Variants in MYH1 observed in about 807,000 individuals in gnomAD.
MYH1 encodes the protein myosin-1.
In MYH1, 214 loss-of-function variants were observed where a neutral mutation model predicts 225.6. The ratio of observed to expected loss-of-function variants is 0.95; its 90% confidence interval spans 0.85 to 1.06. The LOEUF (loss-of-function observed/expected upper bound fraction) is 1.06. MYH1 is among the 50% of genes least tolerant of loss of function. The pLI is 0.00. For synonymous variants in MYH1, 774 were observed against 842.3 expected, an observed-to-expected ratio of 0.92 and a Z score of 1.40; for missense variants, 2,098 against 2,344.2, an observed-to-expected ratio of 0.89 and a Z score of 2.17.
At chr17:10,508,127 TC>T (rs1019085382) in intron 16 of MYH1, among the ~76,000 whole-genome samples, 171 bp from the exon 17 acceptor site, 12 of 151,770 alleles carry the variant, frequency 7.9e-5, no homozygotes, top group Admixed American at 1.3e-4. Context: ...CAAGCGATTC[TC>T]CTGCCTCAGC....
intron 22 of MYH1, 47 bp downstream of exon 22, chr17:10,504,763 C>G (rs1454038905): frequency 4.4e-6 from 7 of 1,605,000 alleles, no homozygotes; most frequent in African/African-American, 1.3e-5. Context: ...GACCACTGAG[C>G]TGAAGTTTTA....
rs951012597 is a variant in MYH1 at position 10,500,979 on chromosome 17, A to T, written c.3738+131T>A. On this transcript the variant is annotated intron_variant, in intron 27 of 39. Coordinates refer to ENST00000226207, the MANE Select transcript of MYH1 (RefSeq NM_005963.4). ...ACTTGTTAATCTAACTACTTTACTA[A>T]GTTGTACTATACGTGATATGAGAAA... The T allele has an allele frequency of 8.3e-6, 12 of 1,444,542 alleles. No individual in the cohort carries two copies. In the African/African-American group the frequency reaches 1.6e-4, roughly 19 times the overall value. 89.5% of individuals were successfully genotyped at this position (1,444,542 alleles called of 1,614,324 possible). A position where few individuals can be genotyped will look rare whatever the true frequency, so the allele number is the denominator to read the frequency against.
At chr17:10,506,690 A>G (rs1296399903) in intron 17 of MYH1, among the ~76,000 whole-genome samples, 1 of 151,936 alleles carries the variant, frequency 6.6e-6, no homozygotes, top group Non-Finnish European at 1.5e-5. Context: ...ACGGGGTTTC[A>G]CCATGTTGGC....
intron 14 of MYH1, among the ~76,000 whole-genome samples, 153 bp downstream of exon 14, chr17:10,511,686 G>C (rs545136549): frequency 6.6e-6 from 1 of 152,118 alleles, no homozygotes; most frequent in East Asian, 1.9e-4. Flanking sequence ...TTCCTTTCAC[G>C]GTCTTTTGGT....
chr17:10,512,322 C>A (rs1267141736), intron 12 of MYH1, 86 bp downstream of exon 12: 1 of 1,607,692 alleles, frequency 6.2e-7, no homozygotes, highest in Non-Finnish European at 8.5e-7. Flanking sequence ...CCATCAGGAG[C>A]TCAGCTGTAA....
rs79034130 is a variant in MYH1, at chr17:10,501,575, C to T, written c.3348+19G>A. ...ACTTTTCGATGTTAAATTAGCCTGG[C>T]GAAAATCATTTAACGTACTTGTAAC... On this transcript the variant is annotated intron_variant, in intron 26 of 39. Coordinates refer to ENST00000226207, the MANE Select transcript of MYH1 (RefSeq NM_005963.4). 6.4e-3 allele frequency: 10,260 copies of T among 1,614,122 alleles called. 485 individuals carry two copies. The African/African-American group carries it at 0.11, about 17-fold the overall frequency.
At position 10,511,877 on chromosome 17, in the gene MYH1, T is replaced by A; in HGVS notation, c.1378A>T (p.Ile460Phe). 1 of 1,614,202 alleles carries A rather than the reference T, an allele frequency of 6.2e-7. No homozygotes were observed. The highest frequency in any genetic ancestry group is 1.1e-5 in the South Asian group (1 of 91,086). ...LDTKQPRQYF[I>F]GVLDIAGFEI... ...AAGCCAGCAATGTCCAAGACCCCAA[T>A]GAAGTACTGCCTGGGCTGCTTGGTG... The change falls in exon 14 of 40, where the codon ATT (isoleucine) becomes TTT (phenylalanine). Residue 460 changes from isoleucine (I) to phenylalanine (F), a missense_variant. By Grantham distance (21) the Ile-to-Phe change is conservative. Coordinates refer to ENST00000226207, the MANE Select transcript of MYH1 (RefSeq NM_005963.4).
In MYH1 at chr17:10,514,851, A is replaced by T. The variant is rs1460867028; in HGVS notation, c.533+17T>A. 1 of 1,603,126 alleles carries T rather than the reference A, an allele frequency of 6.2e-7. No homozygotes were observed. Among genetic ancestry groups the T allele is most frequent in the Non-Finnish European group, 8.5e-7 (1 of 1,174,810 alleles). ...TAAGAACAAACTGCCAATAAATCTC[A>T]GAATAGGAATACATACGTGATCAAG... is the stretch of plus-strand genomic sequence containing the variant. On this transcript the variant is annotated intron_variant, in intron 6 of 39. Coordinates refer to ENST00000226207, the MANE Select transcript of MYH1 (RefSeq NM_005963.4).
chr17:10,513,750 T>A, intron 8 of MYH1, 61 bp from the exon 9 acceptor site: 1 of 1,612,676 alleles, frequency 6.2e-7, no homozygotes, highest in South Asian at 1.1e-5. Flanking sequence ...GGGATGCCAC[T>A]GAAATAATTC....
Position 10,498,612 on chromosome 17 carries a change from A to G in MYH1, c.4181+14T>C, listed in dbSNP as rs1259355999. ...GAAACTTATAGTTCCATTTTAACTA[A>G]GTCTGGAACATACTTGGCCTCCTCC... On this transcript the variant is annotated intron_variant, in intron 30 of 39. Transcript: ENST00000226207. 5.5e-5 allele frequency: 89 copies of G among 1,613,814 alleles called. No individual in the cohort carries two copies. Among genetic ancestry groups the G allele is most frequent in the Non-Finnish European group, 7.4e-5 (87 of 1,179,836 alleles).
chr17:10,503,211 T>C lies in MYH1; in HGVS notation c.2729A>G (p.Asp910Gly), dbSNP rs931734439. ...DSLADAEERCDQLIKTKIQLE... is the reference protein window; with the variant it reads ...DSLADAEERCGQLIKTKIQLE... The stretch of plus-strand genomic sequence containing the variant: ...CTGGATTTTGGTTTTGATTAGCTGG[T>C]CACACCTTTCCTCTGCATCAGCCAA... Residue 910 changes from aspartate to glycine, a missense_variant, in exon 23 of 40, where the codon GAC (aspartate) becomes GGC (glycine). Asp to Gly is a moderately conservative substitution (Grantham distance 94). Coordinates refer to ENST00000226207, the MANE Select transcript of MYH1 (RefSeq NM_005963.4). 3.1e-6 allele frequency: 5 copies of C among 1,614,184 alleles called. No individual in the cohort carries two copies. Among genetic ancestry groups the C allele is most frequent in the Non-Finnish European group, 4.2e-6 (5 of 1,180,034 alleles).
chr17:10,501,770 T>G lies in MYH1; in HGVS notation c.3253A>C (p.Lys1085Gln), dbSNP rs1178526885. Reference sequence around the variant, plus strand: ...TGTTGACCTAAAACTGCTTACTTTTTAAGCTTTTCATCAAGTTGTTGTTTG... The same window carrying G: ...TGTTGACCTAAAACTGCTTACTTTTGAAGCTTTTCATCAAGTTGTTGTTTG... Reference protein sequence around the residue: ...NDKQQLDEKLKKKEFEMSGLQ... With the variant: ...NDKQQLDEKLQKKEFEMSGLQ... Residue 1085 changes from lysine (K) to glutamine (Q), a missense_variant, in exon 25 of 40, where the codon AAA (lysine) becomes CAA (glutamine). Lys to Gln is a moderately conservative substitution (Grantham distance 53). Transcript: ENST00000226207. The G allele has an allele frequency of 3.7e-6, 6 of 1,613,852 alleles. No homozygotes were observed. In the South Asian group the frequency reaches 6.6e-5, roughly 18 times the overall value.
intron 15 of MYH1, 29 bp from the exon 16 acceptor site, chr17:10,508,701 C>G: frequency 6.2e-7 from 1 of 1,607,350 alleles, no homozygotes; most frequent in Non-Finnish European, 8.5e-7. Context: ...ATAAATGCCA[C>G]TTGAATTCTG....
In MYH1 at chr17:10,513,911, C is replaced by T. The variant is rs1329456781; in HGVS notation, c.651G>A (p.Gly217=). Residue 217 remains glycine, a splice_region_variant and synonymous_variant, in exon 8 of 40, where the codon GGG becomes GGA. Transcript: ENST00000226207. ...KEEVTSGKMQ[G]TLEDQIISAN... is the part of the protein sequence containing the mutation. ...CACTGATGATTTGATCTTCCAGAGT[C>T]CCCTGCAAAGGCAAGAGCAGTCCTT... 1 of 1,614,108 alleles carries T rather than the reference C, an allele frequency of 6.2e-7. No homozygotes were observed. The highest frequency in any genetic ancestry group is 1.7e-5 in the Admixed American group (1 of 60,006).
In MYH1 at chr17:10,505,815, T is replaced by C; in HGVS notation, c.2171A>G (p.Gln724Arg). ...PSRILYADFKQRYKVLNASAI... is the reference protein window; with the variant it reads ...PSRILYADFKRRYKVLNASAI... ...ATTTACAGCAAAAATGTCTGACCTC[T>C]GTTTGAAGTCTGCATAAAGGATTCT... The change falls in exon 19 of 40, where the codon CAG becomes CGG. Residue 724 changes from glutamine to arginine, a missense_variant. Gln to Arg is a conservative substitution (Grantham distance 43, BLOSUM62 1). Coordinates refer to ENST00000226207, the MANE Select transcript of MYH1 (RefSeq NM_005963.4). 6.2e-7 allele frequency: 1 copy of C among 1,613,808 alleles called. No individual in the cohort carries two copies. Among genetic ancestry groups the C allele is most frequent in the Non-Finnish European group, 8.5e-7 (1 of 1,179,878 alleles).
chr17:10,502,473 T>A (rs913304273), intron 24 of MYH1, among the ~76,000 whole-genome samples: 2 of 152,218 alleles, frequency 1.3e-5, no homozygotes, highest in African/African-American at 4.8e-5. Context: ...TTTGCTTGTA[T>A]AGCTTTTCTT....
At chr17:10,512,256 T>C in intron 12 of MYH1, 64 bp from the exon 13 acceptor site, 1 of 1,583,002 alleles carries the variant, frequency 6.3e-7, no homozygotes, top group South Asian at 1.1e-5. Context: ...CAAAGGGGCA[T>C]AGTATTGAGT....
intron 2 of MYH1, among the ~76,000 whole-genome samples, chr17:10,516,883 G>A (rs927497866): frequency 6.6e-6 from 1 of 152,184 alleles, no homozygotes; most frequent in Admixed American, 6.6e-5. Flanking sequence ...CATGCATTTG[G>A]AAAGAGACTG....
chr17:10,494,437 G>C lies in MYH1; in HGVS notation c.5584C>G (p.Arg1862Gly). 2 of 1,613,768 alleles carry C rather than the reference G, an allele frequency of 1.2e-6. No homozygotes were observed. The highest frequency in any genetic ancestry group is 1.7e-6 in the Non-Finnish European group (2 of 1,179,944). The change falls in exon 39 of 40, where the codon CGC (arginine) becomes GGC (glycine). Residue 1862 changes from arginine to glycine, a missense_variant. Arg to Gly is a moderately radical substitution (Grantham distance 125, BLOSUM62 -2). Coordinates refer to ENST00000226207, the MANE Select transcript of MYH1 (RefSeq NM_005963.4). ...KELTYQTEED[R>G]KNILRLQDLV... Reference sequence around the variant, plus strand: ...TCCTGGAGCCTGAGAATATTCTTGCGGTCTTCCTCAGTCTGAAATAATGTT... The same window carrying C: ...TCCTGGAGCCTGAGAATATTCTTGCCGTCTTCCTCAGTCTGAAATAATGTT...
Sources: allele counts gnomAD v4.1 joint callset (sites outside exome capture counted in the v4.1 genomes callset), GRCh38; gene constraint gnomAD v4.1.1; transcripts MANE v1.5; gene names NCBI Gene and HGNC (gene_info 2026-07-23, HGNC 2026-07-21).